Variants in ABCE1 observed in about 807,000 individuals in gnomAD.
The protein encoded by ABCE1 is ATP binding cassette subfamily E member 1, also known as ATP-binding cassette sub-family E member 1.
Under a neutral mutation model 83.4 loss-of-function variants are expected in ABCE1, and 22 were observed. The ratio of observed to expected loss-of-function variants is 0.26; its 90% CI spans 0.19 to 0.38. The LOEUF (loss-of-function observed/expected upper bound fraction) is 0.38, where lower values mean the gene tolerates loss of function less well. ABCE1 is among the 10% of genes least tolerant of loss of function. ABCE1 has a pLI of 1.00. For synonymous variants in ABCE1, 204 were observed against 233.7 expected (o/e 0.87, Z 1.16); for missense variants, 330 against 721.9 (o/e 0.46, Z 6.22).
rs768830763 is a variant in ABCE1 at position 145,120,113 on chromosome 4, G to A, written c.1104G>A (p.Glu368=). 2 of 1,609,032 alleles carry A rather than the reference G, an allele frequency of 1.2e-6. No individual in the cohort carries two copies. The highest frequency in any genetic ancestry group is 2.2e-5 in the East Asian group (1 of 44,690). ...GEFELAIVAG[E]FTDSEIMVML... ...TTGAGCTAGCAATTGTAGCTGGAGAGTTTACAGATTCTGAAATTATGGTGA... is the reference window on the plus strand; with the variant it reads ...TTGAGCTAGCAATTGTAGCTGGAGAATTTACAGATTCTGAAATTATGGTGA... Residue 368 remains glutamate (E), a synonymous_variant, in exon 11 of 18, where the codon GAG becomes GAA. Coordinates refer to ENST00000296577, the MANE Select transcript of ABCE1 (RefSeq NM_002940.3).
intron 13 of ABCE1, chr4:145,122,033 T>G (rs1749761068): frequency 6.6e-6 from 1 of 152,194 alleles, no homozygotes; most frequent in Admixed American, 6.5e-5. Context: ...AATAAAGGAC[T>G]TGTATCCAGC....
intron 17 of ABCE1, 22 bp from the exon 18 acceptor site, chr4:145,127,504 T>C: frequency 6.3e-7 from 1 of 1,580,748 alleles, no homozygotes; most frequent in South Asian, 1.2e-5. Context: ...CTGATTTTTG[T>C]GGCTTCTGTT....
intron 8 of ABCE1, among the ~76,000 whole-genome samples, chr4:145,111,460 A>ACT (rs1174698839): frequency 6.6e-6 from 1 of 152,070 alleles, no homozygotes; most frequent in East Asian, 1.9e-4. Flanking sequence ...AGTAGCTGGG[A>ACT]CTACAGACGC....
chr4:145,124,210 G>C (rs1028173398), intron 16 of ABCE1, among the ~76,000 whole-genome samples: 1 of 152,082 alleles, frequency 6.6e-6, no homozygotes, highest in South Asian at 2.1e-4. Flanking sequence ...TGAAATTACT[G>C]GTGTTCAGTT....
intron 4 of ABCE1, among the ~76,000 whole-genome samples, chr4:145,108,502 T>C (rs111465381): frequency 6.6e-6 from 1 of 152,202 alleles, no homozygotes; most frequent in Non-Finnish European, 1.5e-5. Context: ...TCCATTAATC[T>C]TATGATCTAC....
chr4:145,098,986 C>T (rs1749009396), intron 1 of ABCE1, among the ~76,000 whole-genome samples: 1 of 152,174 alleles, frequency 6.6e-6, no homozygotes, highest in African/African-American at 2.4e-5. Context: ...ACAGCGTGTA[C>T]GCAGCTATGA....
At chr4:145,102,047 G>A (rs1749166630) in intron 1 of ABCE1, among the ~76,000 whole-genome samples, 1 of 152,076 alleles carries the variant, frequency 6.6e-6, no homozygotes, top group Non-Finnish European at 1.5e-5. Context: ...GAGTGACCAG[G>A]AAAACAGTAG....
At chr4:145,123,888 G>C (rs771084717) in intron 16 of ABCE1, 5 of 199,794 alleles carry the variant, frequency 2.5e-5, no homozygotes, top group Admixed American at 5.3e-5. Context: ...TTTATTATTT[G>C]AATTTCCCAA....
In ABCE1 at chr4:145,112,236, T is replaced by C; in HGVS notation, c.711-3T>C. Reference sequence around the variant, plus strand: ...ATTTGCTTTTTTTTTTTTTTTTTCATAGTTTCATGTTTGATGAGCCTTCTA... The same window carrying C: ...ATTTGCTTTTTTTTTTTTTTTTTCACAGTTTCATGTTTGATGAGCCTTCTA... On this transcript the variant is annotated splice_region_variant and splice_polypyrimidine_tract_variant and intron_variant, in intron 8 of 17. Coordinates refer to ENST00000296577, the MANE Select transcript of ABCE1 (RefSeq NM_002940.3). 7.5e-7 allele frequency: 1 copy of C among 1,336,954 alleles called. No individual in the cohort carries two copies. The highest frequency in any genetic ancestry group is 1.0e-6 in the Non-Finnish European group (1 of 968,878). 82.8% of individuals were successfully genotyped at this position (1,336,954 alleles called of 1,614,324 possible). A position where few individuals can be genotyped will look rare whatever the true frequency, so the allele number is the denominator to read the frequency against.
chr4:145,107,427 C>T (rs931286466), intron 3 of ABCE1, among the ~76,000 whole-genome samples: 1 of 152,120 alleles, frequency 6.6e-6, no homozygotes. Context: ...GCCATATATT[C>T]AGTGACTTTT....
At chr4:145,113,352 A>G (rs1386877210) in intron 9 of ABCE1, among the ~76,000 whole-genome samples, 3 of 152,204 alleles carry the variant, frequency 2.0e-5, no homozygotes, top group Non-Finnish European at 2.9e-5. Context: ...TCAAATCTCT[A>G]TTCATGGGCC....
chr4:145,106,094 T>C (rs1388737894), intron 3 of ABCE1, among the ~76,000 whole-genome samples: 1 of 151,910 alleles, frequency 6.6e-6, no homozygotes, highest in Admixed American at 6.6e-5. Context: ...CATGCTTCTA[T>C]TGAATTTTTC....
chr4:145,113,829 G>A (rs983027963), intron 9 of ABCE1, among the ~76,000 whole-genome samples: 2 of 152,124 alleles, frequency 1.3e-5, no homozygotes, highest in Non-Finnish European at 2.9e-5. Flanking sequence ...ATGGGTTAGG[G>A]ACAGCAGAAA....
chr4:145,115,602 T>C (rs1283213797), intron 9 of ABCE1, among the ~76,000 whole-genome samples: 1 of 151,896 alleles, frequency 6.6e-6, no homozygotes, highest in Non-Finnish European at 1.5e-5. Flanking sequence ...TACTCTAGAA[T>C]TGTGCTGTAG....
In ABCE1 at chr4:145,110,299, A is replaced by C. The variant is rs147976617; in HGVS notation, c.543+59A>C. 1,252 of 1,599,880 alleles carry C rather than the reference A, an allele frequency of 7.8e-4. 10 individuals carry two copies. In the African/African-American group the frequency reaches 0.014, roughly 18 times the overall value. On this transcript the variant is annotated intron_variant, in intron 6 of 17. Transcript: ENST00000296577. ...TAGTAGAAGTATAAAAGATATATCA[A>C]AATAAACTTGTTTTACTTTGTGATT...
intron 11 of ABCE1, 29 bp from the exon 12 acceptor site, chr4:145,121,145 G>T (rs373519010): frequency 1.2e-6 from 2 of 1,610,448 alleles, no homozygotes; most frequent in Non-Finnish European, 1.7e-6. Flanking sequence ...GCATCTTTCA[G>T]ATCAAACTGT....
At chr4:145,112,214 T>A (rs1560960282) in intron 8 of ABCE1, 25 bp from the exon 9 acceptor site, 1 of 1,422,330 alleles carries the variant, frequency 7.0e-7, no homozygotes, top group Non-Finnish European at 9.5e-7. Context: ...AACTTATATT[T>A]GCTTTTTTTT....
chr4:145,115,216 A>G (rs1226129283), intron 9 of ABCE1, among the ~76,000 whole-genome samples: 18 of 151,998 alleles, frequency 1.2e-4, no homozygotes, highest in Non-Finnish European at 2.5e-4. Flanking sequence ...TTCTGTCTCC[A>G]TAACCTCCAT....
At chr4:145,117,164 A>C (rs1749628336) in intron 9 of ABCE1, 129 bp from the exon 10 acceptor site, 1 of 730,468 alleles carries the variant, frequency 1.4e-6, no homozygotes, top group African/African-American at 1.8e-5. Flanking sequence ...CTTACTAAAA[A>C]TGTTTTATGG....
Sources: allele counts gnomAD v4.1 joint callset (sites outside exome capture counted in the v4.1 genomes callset), GRCh38; gene constraint gnomAD v4.1.1; transcripts MANE v1.5; gene names NCBI Gene and HGNC (gene_info 2026-07-23, HGNC 2026-07-21).